The following ZNF382 variants were observed in gnomAD, a reference collection of about 807,000 sequenced individuals.
The protein encoded by ZNF382 is zinc finger protein 382, also known as KRAB/zinc finger suppressor protein 1.
Under a neutral mutation model 38.8 loss-of-function variants are expected in ZNF382, and 20 were observed. The observed-to-expected ratio is 0.51, with a 90% confidence interval of 0.36 to 0.75. The LOEUF (loss-of-function observed/expected upper bound fraction) is 0.75. ZNF382 is among the 30% of genes least tolerant of loss of function. The pLI is 0.00. For missense variants in ZNF382, 546 were observed against 654.1 expected, an observed-to-expected ratio of 0.83 and a Z score of 1.80; for synonymous variants, 202 against 223.1, an observed-to-expected ratio of 0.91 and a Z score of 0.84.
At chr19:36,611,276 C>T (rs1284255515) in intron 4 of ZNF382, among the ~76,000 whole-genome samples, 1 of 151,806 alleles carries the variant, frequency 6.6e-6, no homozygotes, top group Admixed American at 6.6e-5. Context: ...GGCGACAGAG[C>T]GAGACTCCAT....
Position 36,626,450 on chromosome 19 carries a change from C to T in ZNF382, c.553C>T (p.Leu185Phe). Residue 185 changes from leucine (L) to phenylalanine (F), a missense_variant, in exon 5 of 5, where the codon CTC becomes TTC. Leu to Phe is a conservative substitution (Grantham distance 22, BLOSUM62 0). Transcript: ENST00000292928. ...KHEKIHPAVN[L>F]HKQTERVLSG... ...TGAGAAAATTCATCCTGCAGTGAATCTCCATAAACAAACAGAAAGAGTTCT... is the reference window on the plus strand; with the variant it reads ...TGAGAAAATTCATCCTGCAGTGAATTTCCATAAACAAACAGAAAGAGTTCT... 6.2e-7 allele frequency: 1 copy of T among 1,606,956 alleles called. No individual in the cohort carries two copies. Among genetic ancestry groups the T allele is most frequent in the South Asian group, 1.1e-5 (1 of 89,320 alleles).
In ZNF382 at chr19:36,630,290, T is replaced by TAATG. The variant is rs1251843606; in HGVS notation, c.*2745_*2748dup. 1.3e-5 allele frequency: 2 copies of TAATG among 151,970 alleles called. No homozygotes were observed. Among genetic ancestry groups the TAATG allele is most frequent in the African/African-American group, 4.8e-5 (2 of 41,394 alleles). 9.4% of individuals were successfully genotyped at this position (151,970 alleles called of 1,614,324 possible). On this transcript the variant is annotated 3_prime_UTR_variant, in exon 5 of 5. Transcript: ENST00000292928. ...CAGAGAGAAATCAAGGTATGGAATCTAATGAATGTCCGTGAAGGAGGTACT... is the reference window on the plus strand; with the variant it reads ...CAGAGAGAAATCAAGGTATGGAATCTAATGAATGAATGTCCGTGAAGGAGGTACT...
intron 4 of ZNF382, among the ~76,000 whole-genome samples, chr19:36,614,666 C>T (rs1369044311): frequency 2.0e-5 from 3 of 152,000 alleles, no homozygotes; most frequent in Non-Finnish European, 2.9e-5. Context: ...GTGGCTCACA[C>T]CTGTAATCTC....
At chr19:36,615,312 T>C (rs962476236) in intron 4 of ZNF382, among the ~76,000 whole-genome samples, 6 of 152,174 alleles carry the variant, frequency 3.9e-5, no homozygotes, top group African/African-American at 7.2e-5. Flanking sequence ...TTACATATAG[T>C]AATTATAATT....
Position 36,612,597 on chromosome 19 carries a change from A to T in ZNF382, c.232+1855A>T, listed in dbSNP as rs79852547. On this transcript the variant is annotated intron_variant, in intron 4 of 4. Transcript: ENST00000292928. ...AGACTTTCATCAGCACTGTATGAGA[A>T]TGTTGATTGCCCCACGTTCTTTTCT... 5.5e-3 allele frequency among the ~76,000 whole-genome samples: 835 copies of T among 152,314 alleles called. 22 individuals carry two copies. Among genetic ancestry groups the T allele is most frequent in the Admixed American group, 0.037 (566 of 15,292 alleles).
chr19:36,618,507 C>A (rs577558093), intron 4 of ZNF382, among the ~76,000 whole-genome samples: 1 of 152,280 alleles, frequency 6.6e-6, no homozygotes, highest in Admixed American at 6.5e-5. Flanking sequence ...CTCTGATTCC[C>A]CTATACAGAT....
intron 1 of ZNF382, among the ~76,000 whole-genome samples, chr19:36,606,311 ATTTTTTTT>A (rs71171460): frequency 7.2e-6 from 1 of 138,700 alleles, no homozygotes; most frequent in Non-Finnish European, 1.5e-5. Flanking sequence ...CATGCAGGAA[ATTTTTTTT>A]TTTTTTTTTT....
chr19:36,624,274 T>C (rs1193358932), intron 4 of ZNF382, among the ~76,000 whole-genome samples: 1 of 152,230 alleles, frequency 6.6e-6, no homozygotes, highest in African/African-American at 2.4e-5. Flanking sequence ...AAGCTTACAC[T>C]CTGCAAAATA....
intron 4 of ZNF382, among the ~76,000 whole-genome samples, chr19:36,617,163 C>G (rs2037132182): frequency 2.0e-5 from 3 of 152,234 alleles, no homozygotes; most frequent in Admixed American, 2.0e-4. Context: ...GAAACAGGAT[C>G]AAACAGGCCT....
chr19:36,625,104 A>G (rs1347179009), intron 4 of ZNF382, among the ~76,000 whole-genome samples: 1 of 120,922 alleles, frequency 8.3e-6, no homozygotes, highest in African/African-American at 3.1e-5. Flanking sequence ...ATATATATAT[A>G]TATATATATA....
At chr19:36,606,810 A>T (rs2037033242) in intron 1 of ZNF382, among the ~76,000 whole-genome samples, 1 of 152,104 alleles carries the variant, frequency 6.6e-6, no homozygotes, top group Non-Finnish European at 1.5e-5. Context: ...TGGTGCAGTG[A>T]CTGATGCCTG....
intron 4 of ZNF382, among the ~76,000 whole-genome samples, chr19:36,613,380 G>A (rs548738178): frequency 2.5e-4 from 37 of 149,696 alleles, no homozygotes; most frequent in African/African-American, 3.9e-4. Context: ...TCTTTTCTAG[G>A]TATGGTGAGG....
chr19:36,611,655 A>G (rs1055389029), intron 4 of ZNF382, among the ~76,000 whole-genome samples: 9 of 152,164 alleles, frequency 5.9e-5, no homozygotes, highest in African/African-American at 1.9e-4. Context: ...TCTTTTGGGT[A>G]TAATCTCAGA....
In ZNF382 at chr19:36,628,942, A is replaced by G. The variant is rs1157084292; in HGVS notation, c.*1392A>G. On this transcript the variant is annotated 3_prime_UTR_variant, in exon 5 of 5. Coordinates refer to ENST00000292928, the MANE Select transcript of ZNF382 (RefSeq NM_032825.5). Reference sequence around the variant, plus strand: ...TACCAAAGAAAGGAAGATTACAAGGAAACAAATGGGTCTTGGGACTTTTTT... The same window carrying G: ...TACCAAAGAAAGGAAGATTACAAGGGAACAAATGGGTCTTGGGACTTTTTT... 6.6e-6 allele frequency: 1 copy of G among 151,646 alleles called. No individual in the cohort carries two copies. Among genetic ancestry groups the G allele is most frequent in the Non-Finnish European group, 1.5e-5 (1 of 67,988 alleles). The allele number at this position is 151,646 out of a possible 1,614,324, so 9.4% of individuals were successfully genotyped here. A position where few individuals can be genotyped will look rare whatever the true frequency, so the allele number is the denominator to read the frequency against.
At chr19:36,605,576 A>G (rs2037012553) in intron 1 of ZNF382, 1 of 152,236 alleles carries the variant, frequency 6.6e-6, no homozygotes, top group East Asian at 1.9e-4. Flanking sequence ...GGTGACCCGG[A>G]GCGAGCTCCG....
rs181281392 is a variant in ZNF382 at position 36,628,532 on chromosome 19, A to G, written c.*982A>G. 5.9e-5 allele frequency: 9 copies of G among 152,958 alleles called. No individual in the cohort carries two copies. Among genetic ancestry groups the G allele is most frequent in the Non-Finnish European group, 1.0e-4 (7 of 68,080 alleles). The allele number at this position is 152,958 out of a possible 1,614,324, so 9.5% of individuals were successfully genotyped here. On this transcript the variant is annotated 3_prime_UTR_variant, in exon 5 of 5. Coordinates refer to ENST00000292928, the MANE Select transcript of ZNF382 (RefSeq NM_032825.5). ...GGGAATGTGAATGTAATATATGTAG[A>G]AAAACATTTAGCCACAGCCCAAATC...
chr19:36,631,311 A>G lies in ZNF382; in HGVS notation c.*3761A>G, dbSNP rs1430703267. ...GTTACTGTGCTGGATACTATAGGCA[A>G]TTGTAACACAATGGTAATTATTTGT... On this transcript the variant is annotated 3_prime_UTR_variant, in exon 5 of 5. Coordinates refer to ENST00000292928, the MANE Select transcript of ZNF382 (RefSeq NM_032825.5). 1 of 152,174 alleles carries G rather than the reference A, an allele frequency of 6.6e-6. No individual in the cohort carries two copies. Among genetic ancestry groups the G allele is most frequent in the Non-Finnish European group, 1.5e-5 (1 of 68,048 alleles). The allele number at this position is 152,174 out of a possible 1,614,324, so 9.4% of individuals were successfully genotyped here. A position where few individuals can be genotyped will look rare whatever the true frequency, so the allele number is the denominator to read the frequency against.
chr19:36,624,306 C>T (rs901944955), intron 4 of ZNF382, among the ~76,000 whole-genome samples: 12 of 152,172 alleles, frequency 7.9e-5, no homozygotes, highest in Admixed American at 7.2e-4. Context: ...TTCTTGTTGT[C>T]ATTGTGTATC....
At chr19:36,622,827 A>G (rs890330407) in intron 4 of ZNF382, among the ~76,000 whole-genome samples, 6 of 152,236 alleles carry the variant, frequency 3.9e-5, no homozygotes, top group African/African-American at 1.4e-4. Context: ...CTCATTTGGC[A>G]GGGTTAAATT....
Sources: gnomAD v4.1 joint callset for allele counts (sites outside exome capture counted in the v4.1 genomes callset) on GRCh38, gnomAD v4.1.1 for gene constraint, MANE v1.5 for transcripts, NCBI Gene and HGNC (gene_info 2026-07-23, HGNC 2026-07-21) for gene names.